ERBB4: variants seen among roughly 807,000 people sequenced by gnomAD.
The protein encoded by ERBB4 is receptor tyrosine-protein kinase erbB-4.
A neutral mutation model predicts 158.0 loss-of-function variants in ERBB4; 42 were observed. The ratio of observed to expected loss-of-function variants is 0.27; its 90% CI spans 0.21 to 0.34. The LOEUF is 0.34. ERBB4 is among the 10% of genes least tolerant of loss of function. The pLI is 1.00. For synonymous variants in ERBB4, 583 were observed against 558.7 expected (o/e 1.04, Z -0.61); for missense variants, 1,333 against 1,624.1 (o/e 0.82, Z 3.08).
chr2:212,081,264 T>C (rs923055021), intron 2 of ERBB4, among the ~76,000 whole-genome samples: 5 of 152,072 alleles, frequency 3.3e-5, no homozygotes, highest in African/African-American at 7.2e-5. Context: ...AGCATGGAGA[T>C]TGTAAGAGAT....
intron 3 of ERBB4, among the ~76,000 whole-genome samples, chr2:211,826,737 C>T (rs995427910): frequency 6.6e-6 from 1 of 151,862 alleles, no homozygotes; most frequent in African/African-American, 2.4e-5. Context: ...AAAGGATACA[C>T]CAATATAAAA....
chr2:212,528,038 A>G (rs748100897), intron 1 of ERBB4, among the ~76,000 whole-genome samples: 4 of 151,958 alleles, frequency 2.6e-5, no homozygotes, highest in Non-Finnish European at 5.9e-5. Context: ...TTTTCTCAAG[A>G]TAAGGCTTAA....
At chr2:211,751,588 C>A (rs1457301430) in intron 4 of ERBB4, among the ~76,000 whole-genome samples, 2 of 152,162 alleles carry the variant, frequency 1.3e-5, no homozygotes. Context: ...TCTTATTAAA[C>A]ATTGTCAATT....
At chr2:212,125,883 C>T (rs922654611) in intron 1 of ERBB4, among the ~76,000 whole-genome samples, 2 of 152,100 alleles carry the variant, frequency 1.3e-5, no homozygotes, top group African/African-American at 2.4e-5. Context: ...TGAGCATAAA[C>T]GTGCATGTGT....
intron 1 of ERBB4, among the ~76,000 whole-genome samples, chr2:212,477,298 G>A (rs1475686767): frequency 3.3e-5 from 5 of 152,092 alleles, no homozygotes; most frequent in Admixed American, 6.6e-5. Context: ...TTTCTGGCAC[G>A]TTTTTCTTCC....
At chr2:211,434,404 G>C (rs958209371) in intron 20 of ERBB4, among the ~76,000 whole-genome samples, 1 of 152,078 alleles carries the variant, frequency 6.6e-6, no homozygotes, top group Non-Finnish European at 1.5e-5. Flanking sequence ...AGAGACCTTC[G>C]AGAGATCTGT....
intron 1 of ERBB4, among the ~76,000 whole-genome samples, chr2:212,200,981 T>C (rs895487195): frequency 1.3e-5 from 2 of 152,162 alleles, no homozygotes; most frequent in African/African-American, 4.8e-5. Flanking sequence ...AAGTAGCACT[T>C]GTGAAAAACA....
intron 3 of ERBB4, among the ~76,000 whole-genome samples, chr2:211,807,999 A>C (rs1310177495): frequency 2.0e-5 from 3 of 152,050 alleles, no homozygotes; most frequent in Non-Finnish European, 4.4e-5. Context: ...AAATTTGTTT[A>C]AGTTCTTTGT....
chr2:212,141,931 CTCATA>C (rs1163037295), intron 1 of ERBB4, among the ~76,000 whole-genome samples: 1 of 152,030 alleles, frequency 6.6e-6, no homozygotes. Context: ...CCAATGGTTT[CTCATA>C]TCAATCAGAA....
intron 2 of ERBB4, among the ~76,000 whole-genome samples, chr2:212,042,873 C>A (rs1012161195): frequency 2.0e-5 from 3 of 152,092 alleles, no homozygotes; most frequent in Non-Finnish European, 4.4e-5. Flanking sequence ...AGAACTAAAT[C>A]TTTCTTAGAT....
At chr2:211,581,299 TA>T (rs2068096648) in intron 19 of ERBB4, among the ~76,000 whole-genome samples, 1 of 151,614 alleles carries the variant, frequency 6.6e-6, no homozygotes, top group South Asian at 2.1e-4. Context: ...AAATTAAAAG[TA>T]AAAAATTTAA....
At chr2:212,344,675 A>G (rs1163447464) in intron 1 of ERBB4, among the ~76,000 whole-genome samples, 2 of 152,154 alleles carry the variant, frequency 1.3e-5, no homozygotes, top group African/African-American at 2.4e-5. Context: ...TTTCAACTCT[A>G]AAAGTCCTAC....
chr2:212,494,168 A>G (rs7594803), intron 1 of ERBB4, among the ~76,000 whole-genome samples: 5 of 151,926 alleles, frequency 3.3e-5, no homozygotes, highest in African/African-American at 1.2e-4. Context: ...AGAATCAACA[A>G]CACACATATG....
intron 2 of ERBB4, among the ~76,000 whole-genome samples, chr2:211,959,931 C>A (rs1302023878): frequency 1.3e-5 from 2 of 152,080 alleles, no homozygotes; most frequent in East Asian, 3.9e-4. Flanking sequence ...GATTAAGATT[C>A]TGAATATTAG....
chr2:212,017,790 G>A (rs2076561475), intron 2 of ERBB4, among the ~76,000 whole-genome samples: 1 of 152,066 alleles, frequency 6.6e-6, no homozygotes, highest in South Asian at 2.1e-4. Flanking sequence ...CAAATAGATG[G>A]TTTGCCTCTG....
intron 3 of ERBB4, among the ~76,000 whole-genome samples, chr2:211,905,679 T>C (rs868574342): frequency 0.018 from 1,911 of 107,430 alleles, 40 homozygotes; most frequent in South Asian, 0.032. Flanking sequence ...TATATATATA[T>C]ATACACACAT....
At chr2:211,559,720 T>C (rs531095245) in intron 20 of ERBB4, among the ~76,000 whole-genome samples, 2 of 152,138 alleles carry the variant, frequency 1.3e-5, no homozygotes, top group Non-Finnish European at 2.9e-5. Flanking sequence ...TTCAATCCAT[T>C]AGGGTGCACA....
intron 23 of ERBB4, among the ~76,000 whole-genome samples, chr2:211,423,441 T>G (rs1254286334): frequency 6.6e-6 from 1 of 151,942 alleles, no homozygotes; most frequent in Non-Finnish European, 1.5e-5. Flanking sequence ...CAAGAGAGAT[T>G]GCTGCATGTT....
rs67167316 is a variant in ERBB4 at position 211,518,395 on chromosome 2, T to TA, written c.2487+43507_2487+43508insT. On this transcript the variant is annotated intron_variant, in intron 20 of 27. Coordinates refer to ENST00000342788, the MANE Select transcript of ERBB4 (RefSeq NM_005235.3). ...AGGTCAAGGAATTTAGAAAAGAGTT[T>TA]GTGTAATCCCAGCACTTTGGGAGGC... Among the ~76,000 whole-genome samples the TA allele has an allele frequency of 4.0e-4, 6 of 14,862 alleles. No homozygotes were observed. The African/African-American group carries it at 8.0e-3, about 20-fold the overall frequency. 9.8% of individuals were successfully genotyped at this position (14,862 alleles called of 152,430 possible). A position where few individuals can be genotyped will look rare whatever the true frequency, so the allele number is the denominator to read the frequency against.
Sources: gnomAD v4.1 joint callset for allele counts (sites outside exome capture counted in the v4.1 genomes callset) on GRCh38, gnomAD v4.1.1 for gene constraint, MANE v1.5 for transcripts, NCBI Gene and HGNC (gene_info 2026-07-23, HGNC 2026-07-21) for gene names.